MYOM2: variants seen among roughly 807,000 people sequenced by gnomAD.
The protein encoded by MYOM2 is myomesin-2.
In MYOM2, 254 loss-of-function variants were observed where a neutral mutation model predicts 187.6. The ratio of observed to expected loss-of-function variants is 1.35; its 90% CI spans 1.22 to 1.50. The LOEUF (loss-of-function observed/expected upper bound fraction) is 1.50. Among genes scored for constraint, MYOM2 ranks in the 40% most tolerant of loss-of-function variants. The probability of loss-of-function intolerance (pLI) is 0.00; values close to 1 mark genes in which losing one functional copy is unlikely to be tolerated. For missense variants in MYOM2, 2,796 were observed against 1,924.0 expected, an observed-to-expected ratio of 1.45 and a Z score of -8.48; for synonymous variants, 981 against 753.8, an observed-to-expected ratio of 1.30 and a Z score of -4.94.
chr8:2,114,788 C>CT (rs200123756), intron 25 of MYOM2, among the ~76,000 whole-genome samples: 2 of 152,016 alleles, frequency 1.3e-5, no homozygotes. Context: ...TTTCTTTTTT[C>CT]TTTTTATTTT....
chr8:2,116,125 C>CGA, intron 26 of MYOM2, 21 bp downstream of exon 26: 1 of 1,529,602 alleles, frequency 6.5e-7, no homozygotes, highest in Non-Finnish European at 8.7e-7. Flanking sequence ...TCGAATATTT[C>CGA]CACGTCCATA....
intron 31 of MYOM2, among the ~76,000 whole-genome samples, 164 bp downstream of exon 31, chr8:2,124,381 C>G (rs554104466): frequency 1.7e-4 from 26 of 152,136 alleles, no homozygotes; most frequent in Non-Finnish European, 3.1e-4. Context: ...GCCGATGAAG[C>G]TTTTTAAAGG....
chr8:2,084,714 C>G (rs921682808), intron 13 of MYOM2, among the ~76,000 whole-genome samples: 1 of 152,174 alleles, frequency 6.6e-6, no homozygotes, highest in Admixed American at 6.5e-5. Flanking sequence ...TTCAAACATG[C>G]AGACATAGAA....
Position 2,087,406 on chromosome 8 carries a change from T to C in MYOM2, c.1644+2016T>C, listed in dbSNP as rs556484485. Among the ~76,000 whole-genome samples, 4 of 152,304 alleles carry C rather than the reference T, an allele frequency of 2.6e-5. No individual in the cohort carries two copies. The East Asian group carries it at 7.7e-4, about 29-fold the overall frequency. ...TGGCCTTCTCTGGTTATTTGCAATG[T>C]ATGCTATCTGGGGGGTAGAAACTAG... On this transcript the variant is annotated intron_variant, in intron 14 of 36. Transcript: ENST00000262113.
At chr8:2,080,910 G>C (rs1316714835) in intron 13 of MYOM2, among the ~76,000 whole-genome samples, 5 of 129,124 alleles carry the variant, frequency 3.9e-5, no homozygotes, top group African/African-American at 1.5e-4. Context: ...GAATGAGGTT[G>C]GTTCTGGCCT....
At chr8:2,064,444 C>T (rs1300301770) in intron 6 of MYOM2, among the ~76,000 whole-genome samples, 1 of 152,194 alleles carries the variant, frequency 6.6e-6, no homozygotes, top group Non-Finnish European at 1.5e-5. Context: ...GTGGGGCCAC[C>T]GCCGTCGTCA....
At chr8:2,054,879 C>CACCTGGATATTGGGGAACCAAGT (rs1818604605) in intron 3 of MYOM2, among the ~76,000 whole-genome samples, 1 of 135,264 alleles carries the variant, frequency 7.4e-6, no homozygotes, top group African/African-American at 2.9e-5. Context: ...TGGCACCTGG[C>CACCTGGATATTGGGGAACCAAGT]ACCTGGATAC....
Position 2,142,402 on chromosome 8 carries a change from G to T in MYOM2, c.4024+5G>T. The T allele has an allele frequency of 6.2e-7, 1 of 1,613,708 alleles. No homozygotes were observed. On this transcript the variant is annotated splice_donor_5th_base_variant and intron_variant, in intron 35 of 36. Transcript: ENST00000262113. ...CTGCTGCTTTTGCAGAGAAGAGTAA[G>T]TACCTGTTGGATTGTAACCAGGATG...
Position 2,090,185 on chromosome 8 carries a change from G to A in MYOM2, c.1822G>A (p.Val608Met). Residue 608 changes from valine to methionine, a missense_variant, in exon 15 of 37, where the codon GTG becomes ATG. Transcript: ENST00000262113. The stretch of plus-strand genomic sequence containing the variant: ...AACGTCCCCCATTCAGGCCCAGGAT[G>A]TGACCGGTGAGCTGTCACACTGGGT... ...EITSPIQAQD[V>M]TVVPSAPGRV... is the part of the protein sequence containing the mutation. The A allele has an allele frequency of 6.2e-7, 1 of 1,612,728 alleles. No individual in the cohort carries two copies. The highest frequency in any genetic ancestry group is 1.1e-5 in the South Asian group (1 of 90,988).
At chr8:2,123,428 A>G (rs1208465693) in intron 29 of MYOM2, 63 bp downstream of exon 29, 11 of 1,487,150 alleles carry the variant, frequency 7.4e-6, no homozygotes, top group Middle Eastern at 1.7e-4. Context: ...TAACTCGTAA[A>G]TTCTACAATC....
At chr8:2,123,532 T>G (rs1262468648) in intron 29 of MYOM2, 23 bp from the exon 30 acceptor site, 1 of 1,601,134 alleles carries the variant, frequency 6.2e-7, no homozygotes, top group Non-Finnish European at 8.6e-7. Context: ...TTTACATAAA[T>G]ATGGAATGTG....
intron 13 of MYOM2, 103 bp from the exon 14 acceptor site, chr8:2,085,160 C>T (rs952110854): frequency 7.0e-7 from 1 of 1,419,718 alleles, no homozygotes. Flanking sequence ...AGAAACAAAA[C>T]AAGTTCAACA....
chr8:2,091,216 T>C (rs1484319763), intron 15 of MYOM2, among the ~76,000 whole-genome samples: 1 of 151,962 alleles, frequency 6.6e-6, no homozygotes, highest in Non-Finnish European at 1.5e-5. Flanking sequence ...TTAAAAAAAT[T>C]TTTGTTTTGT....
chr8:2,143,368 T>TA (rs1455245804), intron 35 of MYOM2, 33 bp from the exon 36 acceptor site: 1 of 1,614,024 alleles, frequency 6.2e-7, no homozygotes, highest in African/African-American at 1.3e-5. Flanking sequence ...GTCCCGCAGA[T>TA]GTTTTCCTAA....
At chr8:2,058,969 C>T (rs530770418) in intron 5 of MYOM2, among the ~76,000 whole-genome samples, 184 bp from the exon 6 acceptor site, 11 of 152,334 alleles carry the variant, frequency 7.2e-5, no homozygotes, top group African/African-American at 1.7e-4. Flanking sequence ...GCGCTGCTCT[C>T]GCCTTAGAAA....
intron 18 of MYOM2, 48 bp downstream of exon 18, chr8:2,096,482 T>C: frequency 2.5e-6 from 4 of 1,577,502 alleles, no homozygotes; most frequent in Non-Finnish European, 3.5e-6. Flanking sequence ...GGTGGTTCTT[T>C]ACATTTTTGG....
intron 14 of MYOM2, among the ~76,000 whole-genome samples, chr8:2,087,650 A>T (rs1438969050): frequency 6.6e-6 from 1 of 151,926 alleles, no homozygotes; most frequent in Non-Finnish European, 1.5e-5. Flanking sequence ...TCATTTTGTC[A>T]CTCAGGCTAG....
At chr8:2,106,447 C>A in intron 22 of MYOM2, 44 bp from the exon 23 acceptor site, 2 of 1,609,906 alleles carry the variant, frequency 1.2e-6, no homozygotes, top group East Asian at 4.5e-5. Flanking sequence ...GAAGTTCCTG[C>A]AAACAGAAAT....
At chr8:2,102,621 C>T in intron 20 of MYOM2, 46 bp from the exon 21 acceptor site, 1 of 1,377,926 alleles carries the variant, frequency 7.3e-7, no homozygotes, top group South Asian at 1.2e-5. Flanking sequence ...CCACAGTCAT[C>T]TTTATTTTAC....
Sources: allele counts gnomAD v4.1 joint callset (sites outside exome capture counted in the v4.1 genomes callset), GRCh38; gene constraint gnomAD v4.1.1; transcripts MANE v1.5; gene names NCBI Gene and HGNC (gene_info 2026-07-23, HGNC 2026-07-21).